Variants in GRIK3 observed in about 807,000 individuals in gnomAD.
The protein encoded by GRIK3 is glutamate ionotropic receptor kainate type subunit 3, also known as glutamate receptor ionotropic, kainate 3.
A neutral mutation model predicts 102.5 loss-of-function variants in GRIK3; 29 were observed. The observed-to-expected ratio is 0.28, with a 90% CI of 0.21 to 0.39. The LOEUF is 0.39. Among genes scored for constraint, GRIK3 ranks in the 10% least tolerant of loss-of-function variants. The pLI, the probability that GRIK3 is intolerant of heterozygous loss-of-function variation, is 1.00. For missense variants in GRIK3, 908 were observed against 1,252.4 expected, an observed-to-expected ratio of 0.73 and a Z score of 4.15; for synonymous variants, 511 against 504.9, an observed-to-expected ratio of 1.01 and a Z score of -0.16.
rs2124239636 is a variant in GRIK3 at position 36,859,905 on chromosome 1, G to A, written c.899C>T (p.Ser300Phe). Residue 300 changes from serine (S) to phenylalanine (F), a missense_variant, in exon 6 of 16, where the codon TCC becomes TTC. Coordinates refer to ENST00000373091, the MANE Select transcript of GRIK3 (RefSeq NM_000831.4). The stretch of plus-strand genomic sequence containing the variant: ...GGGAGCTGCCTGCAGCCGCTCCATG[G>A]ACCACTTCTCCACAATGGCCGAGAC... ...PHVSAIVEKW[S>F]MERLQAAPRS... The A allele has an allele frequency of 1.2e-6, 2 of 1,613,966 alleles. No homozygotes were observed. Among genetic ancestry groups the A allele is most frequent in the Non-Finnish European group, 1.7e-6 (2 of 1,179,838 alleles).
intron 1 of GRIK3, among the ~76,000 whole-genome samples, chr1:36,912,444 G>A (rs936659629): frequency 6.6e-5 from 10 of 150,870 alleles, no homozygotes; most frequent in African/African-American, 2.4e-4. Flanking sequence ...CCCCTCTGCT[G>A]CCCACAGTGT....
chr1:36,891,169 A>T, intron 1 of GRIK3, 73 bp from the exon 2 acceptor site: 2 of 1,140,414 alleles, frequency 1.8e-6, no homozygotes, highest in South Asian at 1.5e-5. Context: ...TTGGCTCAAA[A>T]GATTTTATAG....
chr1:36,844,942 C>T (rs1028722289), intron 9 of GRIK3, among the ~76,000 whole-genome samples: 2 of 152,152 alleles, frequency 1.3e-5, no homozygotes, highest in Non-Finnish European at 2.9e-5. Flanking sequence ...CCCTCCCTGG[C>T]CTGATCCTCT....
chr1:36,819,178 C>T lies in GRIK3; in HGVS notation c.1873+558G>A, dbSNP rs1642669128. ...ACTCGGGCTGAAGTCCCCAACTCAG[C>T]CATGATCCTTCCTACTCCCAGGCAC... is the stretch of plus-strand genomic sequence containing the variant. On this transcript the variant is annotated intron_variant, in intron 12 of 15. Coordinates refer to ENST00000373091, the MANE Select transcript of GRIK3 (RefSeq NM_000831.4). The surrounding 1 kb of genome is among the most constrained non-coding windows in gnomAD (Gnocchi z 4.1). 6.6e-6 allele frequency among the ~76,000 whole-genome samples: 1 copy of T among 152,230 alleles called. No homozygotes were observed. The highest frequency in any genetic ancestry group is 2.4e-5 in the African/African-American group (1 of 41,462).
intron 10 of GRIK3, among the ~76,000 whole-genome samples, chr1:36,828,186 C>T (rs915062947): frequency 1.3e-5 from 2 of 151,994 alleles, no homozygotes; most frequent in Admixed American, 6.5e-5. Context: ...AGATAGGATC[C>T]CTTGGTGGGG....
chr1:36,841,842 T>C lies in GRIK3; in HGVS notation c.1424A>G (p.His475Arg). The change falls in exon 10 of 16, where the codon CAC (histidine) becomes CGC (arginine). Residue 475 changes from histidine (H) to arginine (R), a missense_variant. His to Arg is a conservative substitution (Grantham distance 29). This residue lies in a region of GRIK3 where 585 missense variants were observed against 824.9 expected (regional missense o/e 0.71). Transcript: ENST00000373091. The stretch of plus-strand genomic sequence containing the variant: ...GATCTCATAGGAGAAACCAAGGATG[T>C]GGGCCAGCTCCTTTAGCAGGTCGAT... ...YCIDLLKELA[H>R]ILGFSYEIRL... 10 of 1,614,172 alleles carry C rather than the reference T, an allele frequency of 6.2e-6. No homozygotes were observed. The highest frequency in any genetic ancestry group is 8.5e-6 in the Non-Finnish European group (10 of 1,180,012).
intron 1 of GRIK3, among the ~76,000 whole-genome samples, chr1:36,969,946 A>C (rs1642123866): frequency 1.3e-5 from 2 of 152,276 alleles, no homozygotes; most frequent in African/African-American, 4.8e-5. Flanking sequence ...AATACTTTCA[A>C]AAAATTTGGC....
chr1:36,996,408 C>G (rs921354916), intron 1 of GRIK3, among the ~76,000 whole-genome samples: 1 of 152,196 alleles, frequency 6.6e-6, no homozygotes, highest in Non-Finnish European at 1.5e-5. Context: ...AATGGACAGA[C>G]CTTCCCTGTT....
chr1:37,028,897 T>A (rs2124089858), intron 1 of GRIK3, among the ~76,000 whole-genome samples: 1 of 152,372 alleles, frequency 6.6e-6, no homozygotes, highest in East Asian at 1.9e-4. Context: ...GCTCCATTTA[T>A]TGAGCACTTA....
At chr1:36,959,797 ACC>A (rs1488320186) in intron 1 of GRIK3, among the ~76,000 whole-genome samples, 1 of 39,580 alleles carries the variant, frequency 2.5e-5, no homozygotes. Flanking sequence ...GAGCCTGTGT[ACC>A]CCATGACTCT....
intron 10 of GRIK3, among the ~76,000 whole-genome samples, chr1:36,837,714 C>T (rs981050994): frequency 6.6e-6 from 1 of 152,158 alleles, no homozygotes; most frequent in African/African-American, 2.4e-5. Flanking sequence ...CCCCCTTCTC[C>T]AGCAGCAGCT....
intron 8 of GRIK3, among the ~76,000 whole-genome samples, chr1:36,853,202 T>C (rs187028526): frequency 1.8e-4 from 28 of 152,368 alleles, no homozygotes; most frequent in Middle Eastern, 3.4e-3. Flanking sequence ...GGGGAGATAC[T>C]CTCTGGTTAG....
intron 13 of GRIK3, among the ~76,000 whole-genome samples, chr1:36,816,675 T>C (rs1305874508): frequency 6.6e-6 from 1 of 152,186 alleles, no homozygotes; most frequent in Admixed American, 6.5e-5. Context: ...TTAGCTTCTT[T>C]GAGATGGACG....
chr1:36,804,975 T>C lies in GRIK3; in HGVS notation c.2565+12A>G, dbSNP rs757550345. 3 of 1,613,930 alleles carry C rather than the reference T, an allele frequency of 1.9e-6. No homozygotes were observed. Among genetic ancestry groups the C allele is most frequent in the South Asian group, 2.2e-5 (2 of 91,056 alleles). ...TTCCCATCCTGTGCAGGCTCCAAGC[T>C]CTAAGGCTTACCTGCTCTCTCTCTG... On this transcript the variant is annotated intron_variant, in intron 15 of 15. Transcript: ENST00000373091.
intron 1 of GRIK3, among the ~76,000 whole-genome samples, chr1:37,033,065 C>A (rs977199601): frequency 6.6e-6 from 1 of 152,142 alleles, no homozygotes; most frequent in African/African-American, 2.4e-5. Context: ...ATGGAGGCTC[C>A]GTCTTAGCCC....
intron 1 of GRIK3, among the ~76,000 whole-genome samples, chr1:36,937,024 G>T (rs1319322726): frequency 1.3e-5 from 2 of 152,202 alleles, no homozygotes; most frequent in East Asian, 3.9e-4. Flanking sequence ...CGCAGTGGAG[G>T]ATATCGGGCT....
intron 1 of GRIK3, among the ~76,000 whole-genome samples, chr1:36,999,503 C>A (rs1305110838): frequency 6.6e-6 from 1 of 152,058 alleles, no homozygotes; most frequent in Non-Finnish European, 1.5e-5. Context: ...ATTCCATCTC[C>A]CCTACTCACC....
At chr1:37,013,383 T>C (rs1181773717) in intron 1 of GRIK3, among the ~76,000 whole-genome samples, 1 of 152,230 alleles carries the variant, frequency 6.6e-6, no homozygotes, top group Non-Finnish European at 1.5e-5. Context: ...CAGCCCGGCA[T>C]CTTGTCCTCC....
At chr1:36,971,469 C>T (rs985556610) in intron 1 of GRIK3, among the ~76,000 whole-genome samples, 2 of 152,192 alleles carry the variant, frequency 1.3e-5, no homozygotes, top group African/African-American at 2.4e-5. Flanking sequence ...TTCTGAGGGC[C>T]TGCTAATTCC....
Sources: gnomAD v4.1 joint callset for allele counts (sites outside exome capture counted in the v4.1 genomes callset) on GRCh38, gnomAD v4.1.1 for gene constraint, gnomAD v4.1.1 regional missense constraint, Gnocchi (gnomAD v3.1) non-coding constraint, MANE v1.5 for transcripts, NCBI Gene and HGNC (gene_info 2026-07-23, HGNC 2026-07-21) for gene names.